Variants in ARHGEF10L observed in about 807,000 individuals in gnomAD.
The protein encoded by ARHGEF10L is rho guanine nucleotide exchange factor 10-like protein.
ARHGEF10L carries 69 observed loss-of-function variants against 141.2 expected under a neutral mutation model. The ratio of observed to expected loss-of-function variants is 0.49; its 90% CI spans 0.40 to 0.60. ARHGEF10L has a LOEUF of 0.60. Among genes scored for constraint, ARHGEF10L ranks in the 20% least tolerant of loss-of-function variants. The probability of loss-of-function intolerance (pLI) is 0.00; values close to 1 mark genes in which losing one functional copy is unlikely to be tolerated. For missense variants in ARHGEF10L, 1,482 were observed against 1,734.3 expected (o/e 0.85, Z 2.58); for synonymous variants, 711 against 718.5 (o/e 0.99, Z 0.17).
chr1:17,534,561 A>AGCCACCATGCCTGGCCC, the ARHGEF10L span, among the ~76,000 whole-genome samples: 6 of 150,160 alleles, frequency 4.0e-5, no homozygotes, highest in African/African-American at 1.5e-4. Context: ...GTGCCTGGCC[A>AGCCACCATGCCTGGCCC]GCCACCATGC....
upstream of ARHGEF10L, among the ~76,000 whole-genome samples, chr1:17,536,167 T>A (rs1017364471): frequency 2.0e-5 from 3 of 152,172 alleles, no homozygotes; most frequent in Non-Finnish European, 4.4e-5. Context: ...GTGCATTCAT[T>A]TGTGCTGTGG....
At chr1:17,611,758 TAA>T (rs1230140019) in intron 7 of ARHGEF10L, among the ~76,000 whole-genome samples, 1 of 152,260 alleles carries the variant, frequency 6.6e-6, no homozygotes, top group Admixed American at 6.5e-5. Context: ...GCAGCTCAGG[TAA>T]AGAGACTTCT....
chr1:17,684,985 A>G (rs967232790), intron 26 of ARHGEF10L, among the ~76,000 whole-genome samples: 4 of 152,074 alleles, frequency 2.6e-5, no homozygotes, highest in African/African-American at 4.8e-5. Flanking sequence ...TCTGATCAGG[A>G]ATGAGCCCGG....
intron 27 of ARHGEF10L, among the ~76,000 whole-genome samples, chr1:17,691,941 A>T (rs2065139352): frequency 6.6e-6 from 1 of 152,178 alleles, no homozygotes; most frequent in Non-Finnish European, 1.5e-5. Context: ...CCATGAGCAC[A>T]CAGATAAGTC....
chr1:17,563,771 C>A (rs1216061825), intron 1 of ARHGEF10L, among the ~76,000 whole-genome samples: 1 of 152,190 alleles, frequency 6.6e-6, no homozygotes, highest in Non-Finnish European at 1.5e-5. Context: ...GGAGTCCCCA[C>A]TGTCTGACTC....
At chr1:17,560,755 G>T (rs545136399) in intron 1 of ARHGEF10L, among the ~76,000 whole-genome samples, 1 of 152,190 alleles carries the variant, frequency 6.6e-6, no homozygotes, top group Admixed American at 6.5e-5. Context: ...AGTAGAGGTG[G>T]GGTTTCTCCA....
At chr1:17,528,583 T>A in the ARHGEF10L span, among the ~76,000 whole-genome samples, 1 of 152,030 alleles carries the variant, frequency 6.6e-6, no homozygotes, top group Non-Finnish European at 1.5e-5. Flanking sequence ...CCATCCTCCA[T>A]CCATCCATTT....
Position 17,623,888 on chromosome 1 carries a change from T to C in ARHGEF10L, c.1201-499T>C, listed in dbSNP as rs920628935. Among the ~76,000 whole-genome samples the C allele has an allele frequency of 1.3e-5, 2 of 152,200 alleles. No individual in the cohort carries two copies. The highest frequency in any genetic ancestry group is 6.5e-5 in the Admixed American group (1 of 15,284). ...GAATAGGTCTGATGTTCTGGGTGTATATCAAGGGGCTCTGGAGAGAGAGTT... is the reference window on the plus strand; with the variant it reads ...GAATAGGTCTGATGTTCTGGGTGTACATCAAGGGGCTCTGGAGAGAGAGTT... On this transcript the variant is annotated intron_variant, in intron 12 of 28. Transcript: ENST00000361221. The surrounding 1 kb of genome is among the most constrained non-coding windows in gnomAD (Gnocchi z 4.7).
chr1:17,602,815 G>C (rs2080817935), intron 5 of ARHGEF10L, among the ~76,000 whole-genome samples: 1 of 152,138 alleles, frequency 6.6e-6, no homozygotes, highest in African/African-American at 2.4e-5. Context: ...GGCTGCCTTT[G>C]CCTTTCAGTC....
At chr1:17,676,281 C>T (rs2063710976) in intron 26 of ARHGEF10L, among the ~76,000 whole-genome samples, 1 of 117,296 alleles carries the variant, frequency 8.5e-6, no homozygotes, top group African/African-American at 3.4e-5. Flanking sequence ...GGTGTAGTTG[C>T]AGGTGTGGGT....
intron 26 of ARHGEF10L, among the ~76,000 whole-genome samples, chr1:17,676,025 TGTGC>T (rs2063672887): frequency 8.4e-6 from 1 of 118,944 alleles, no homozygotes; most frequent in Non-Finnish European, 1.8e-5. Flanking sequence ...TGCAGGTATG[TGTGC>T]AGGTATGGAT....
chr1:17,583,766 A>G (rs1210184365), intron 2 of ARHGEF10L, among the ~76,000 whole-genome samples: 3 of 152,324 alleles, frequency 2.0e-5, no homozygotes, highest in East Asian at 3.9e-4. Context: ...TGAGAGGCTA[A>G]GAAAACCCTG....
chr1:17,638,930 G>A (rs1181660348), intron 20 of ARHGEF10L, among the ~76,000 whole-genome samples: 7 of 152,312 alleles, frequency 4.6e-5, no homozygotes, highest in Non-Finnish European at 8.8e-5. Context: ...GATAAGCCTG[G>A]CCCACTGTTA....
rs142057876 is a variant in ARHGEF10L at position 17,605,397 on chromosome 1, C to T, written c.433+1806C>T. ...ATAATAGCCAGTCCTAGGGTGGTAG[C>T]GTAGATTCCATGAGGTAATTGATGA... On this transcript the variant is annotated intron_variant, in intron 6 of 28. Coordinates refer to ENST00000361221, the MANE Select transcript of ARHGEF10L (RefSeq NM_018125.4). 1.8e-3 allele frequency among the ~76,000 whole-genome samples: 275 copies of T among 152,210 alleles called. 3 individuals are homozygous for T. The highest frequency in any genetic ancestry group is 6.3e-3 in the African/African-American group (261 of 41,514).
the ARHGEF10L span, among the ~76,000 whole-genome samples, chr1:17,522,792 C>T: frequency 6.6e-6 from 1 of 152,058 alleles, no homozygotes; most frequent in African/African-American, 2.4e-5. Context: ...CACATCCCTC[C>T]CCCCTGGAAG....
chr1:17,627,011 T>C lies in ARHGEF10L; in HGVS notation c.1411-319T>C, dbSNP rs1332806097. The stretch of plus-strand genomic sequence containing the variant: ...CACATTTTGTTTACGCGTTAGTCTG[T>C]CGACGGACATTTTTGCCTCCACATT... On this transcript the variant is annotated intron_variant, in intron 14 of 28. Transcript: ENST00000361221. The surrounding 1 kb of genome is among the most constrained non-coding windows in gnomAD (Gnocchi z 4.0). Among the ~76,000 whole-genome samples, 2 of 152,282 alleles carry C rather than the reference T, an allele frequency of 1.3e-5. No homozygotes were observed. The highest frequency in any genetic ancestry group is 2.9e-5 in the Non-Finnish European group (2 of 68,050).
At chr1:17,604,132 G>A (rs924581052) in intron 6 of ARHGEF10L, among the ~76,000 whole-genome samples, 6 of 151,976 alleles carry the variant, frequency 3.9e-5, no homozygotes, top group South Asian at 2.1e-4. Flanking sequence ...GCTTGGACAC[G>A]TTAGGCCAAG....
chr1:17,671,807 G>A (rs2063339325), intron 26 of ARHGEF10L, among the ~76,000 whole-genome samples: 1 of 152,226 alleles, frequency 6.6e-6, no homozygotes, highest in South Asian at 2.1e-4. Context: ...TGAGTAGGGT[G>A]GGACTGGGCC....
chr1:17,672,668 A>G (rs78983025), intron 26 of ARHGEF10L, among the ~76,000 whole-genome samples: 1 of 152,170 alleles, frequency 6.6e-6, no homozygotes, highest in South Asian at 2.1e-4. Flanking sequence ...TTTTCTAAAG[A>G]TTGTGGAGAC....
Sources: gnomAD v4.1 joint callset for allele counts (sites outside exome capture counted in the v4.1 genomes callset) on GRCh38, gnomAD v4.1.1 for gene constraint, Gnocchi (gnomAD v3.1) non-coding constraint, MANE v1.5 for transcripts, NCBI Gene and HGNC (gene_info 2026-07-23, HGNC 2026-07-21) for gene names.